FAM193A: variants seen among roughly 807,000 people sequenced by gnomAD.
FAM193A encodes the protein protein FAM193A.
Under a neutral mutation model 126.5 loss-of-function variants are expected in FAM193A, and 22 were observed. The ratio of observed to expected loss-of-function variants is 0.17; its 90% CI spans 0.12 to 0.25. FAM193A has a LOEUF of 0.25. Ranked by LOEUF, FAM193A falls within the 10% of genes least tolerant of loss-of-function variation. FAM193A has a pLI of 1.00. For missense variants in FAM193A, 1,675 were observed against 1,672.8 expected, an observed-to-expected ratio of 1.00 and a Z score of -0.02; for synonymous variants, 761 against 646.8, an observed-to-expected ratio of 1.18 and a Z score of -2.68.
chr4:2,631,519 G>A lies in FAM193A; in HGVS notation c.1038+350G>A, dbSNP rs1331803722. Among the ~76,000 whole-genome samples the A allele has an allele frequency of 2.6e-5, 4 of 152,194 alleles. No individual in the cohort carries two copies. In the East Asian group the frequency reaches 5.8e-4, roughly 22 times the overall value. ...AAATCTCCGGTGTCTTACTTAGGTT[G>A]TTCATTCTTTCGTTGCTGTAGACAG... On this transcript the variant is annotated intron_variant, in intron 5 of 20. Transcript: ENST00000637812.
rs930151871 is a variant in FAM193A, at chr4:2,597,369, A to G, written c.501+1040A>G. 2.6e-5 allele frequency among the ~76,000 whole-genome samples: 4 copies of G among 151,702 alleles called. No individual in the cohort carries two copies. In the South Asian group the frequency reaches 8.3e-4, roughly 31 times the overall value. ...TTTTGTTTGTTTTTTTACCAATACC[A>G]TTTTCTTTGCTTTTTGTGGTGGTTG... On this transcript the variant is annotated intron_variant, in intron 2 of 20. Coordinates refer to ENST00000637812, the MANE Select transcript of FAM193A (RefSeq NM_001366318.2).
chr4:2,598,292 G>A (rs1487726044), intron 2 of FAM193A, among the ~76,000 whole-genome samples: 2 of 152,190 alleles, frequency 1.3e-5, no homozygotes, highest in African/African-American at 2.4e-5. Flanking sequence ...AATGTTGCAT[G>A]CATCCGTAGT....
At chr4:2,538,056 AAG>A (rs1285974241) in intron 1 of FAM193A, among the ~76,000 whole-genome samples, 1 of 152,174 alleles carries the variant, frequency 6.6e-6, no homozygotes. Flanking sequence ...TGTCTGCTGA[AAG>A]AGAATAGATT....
At chr4:2,599,410 T>C (rs772173829) in intron 2 of FAM193A, among the ~76,000 whole-genome samples, 9 of 152,098 alleles carry the variant, frequency 5.9e-5, no homozygotes, top group Non-Finnish European at 1.3e-4. Context: ...GCTCTGTCTC[T>C]GGTCAGGGCT....
At chr4:2,563,684 A>G (rs13135247) in intron 1 of FAM193A, among the ~76,000 whole-genome samples, 4,910 of 152,304 alleles carry the variant, frequency 0.032, 88 homozygotes, top group South Asian at 0.072. Context: ...TTGGCCATGT[A>G]TGAAGTTTAA....
In FAM193A at chr4:2,659,627, C is replaced by T. The variant is rs928416085; in HGVS notation, c.1459C>T (p.Arg487Trp). The change falls in exon 9 of 21, where the codon CGG (arginine) becomes TGG (tryptophan). Residue 487 changes from arginine (R) to tryptophan (W), a missense_variant. Physicochemically the swap from Arg to Trp is moderately radical, Grantham distance 101. This residue lies in a region of FAM193A where 1,186 missense variants were observed against 1,109.2 expected (regional missense o/e 1.07). Transcript: ENST00000637812. ...TDTMRHMLSS[R>W]LSMPDCPNCN... is the part of the protein sequence containing the mutation. ...CACCATGAGGCACATGTTATCGTCC[C>T]GGCTGAGCATGCCCGACTGCCCCAA... 4.3e-6 allele frequency: 7 copies of T among 1,614,146 alleles called. No individual in the cohort carries two copies. The highest frequency in any genetic ancestry group is 1.1e-5 in the South Asian group (1 of 91,074).
At chr4:2,615,941 A>T (rs1404233898) in intron 2 of FAM193A, among the ~76,000 whole-genome samples, 1 of 151,714 alleles carries the variant, frequency 6.6e-6, no homozygotes, top group Admixed American at 6.6e-5. Context: ...CCTTCTGAGT[A>T]GCTGGGATTA....
intron 1 of FAM193A, among the ~76,000 whole-genome samples, chr4:2,572,165 CAAA>C (rs66899515): frequency 1.9e-4 from 21 of 108,282 alleles, no homozygotes; most frequent in Admixed American, 1.9e-4. Context: ...CCTCTGTGTC[CAAA>C]AAAAAAAAAA....
chr4:2,597,203 C>T (rs1050748552), intron 2 of FAM193A, among the ~76,000 whole-genome samples: 2 of 152,168 alleles, frequency 1.3e-5, no homozygotes, highest in Non-Finnish European at 2.9e-5. Flanking sequence ...CCGCATGTCC[C>T]GCTTTCCTGC....
chr4:2,721,340 A>T (rs1457393312), intron 20 of FAM193A, among the ~76,000 whole-genome samples: 1 of 114,638 alleles, frequency 8.7e-6, no homozygotes, highest in Non-Finnish European at 1.8e-5. Flanking sequence ...AAAAAAAAAA[A>T]AGCCAGGCAT....
At chr4:2,547,708 G>T (rs908062254) in intron 1 of FAM193A, among the ~76,000 whole-genome samples, 5 of 149,812 alleles carry the variant, frequency 3.3e-5, no homozygotes, top group Non-Finnish European at 5.9e-5. Context: ...TCCCTGCAAC[G>T]TCTGCCTCCT....
chr4:2,670,328 T>C (rs1003765365), intron 12 of FAM193A, among the ~76,000 whole-genome samples: 3 of 152,222 alleles, frequency 2.0e-5, no homozygotes, highest in African/African-American at 7.2e-5. Flanking sequence ...TGTTGAATCT[T>C]TATTTTCATA....
At chr4:2,684,054 T>C (rs894324460) in intron 13 of FAM193A, among the ~76,000 whole-genome samples, 4 of 152,232 alleles carry the variant, frequency 2.6e-5, no homozygotes, top group African/African-American at 9.6e-5. Flanking sequence ...TGTTCTTGCA[T>C]GCTGTCTACT....
intron 6 of FAM193A, among the ~76,000 whole-genome samples, chr4:2,645,193 G>T (rs183851106): frequency 6.6e-6 from 1 of 152,228 alleles, no homozygotes; most frequent in East Asian, 1.9e-4. Flanking sequence ...TTAACCTTGC[G>T]CAGAATCTTT....
At chr4:2,724,691 T>C (rs1720530807) in intron 20 of FAM193A, among the ~76,000 whole-genome samples, 1 of 152,054 alleles carries the variant, frequency 6.6e-6, no homozygotes, top group Non-Finnish European at 1.5e-5. Context: ...GCTTGGGAGA[T>C]AGAGTGAGAC....
chr4:2,690,002 G>T (rs907041589), intron 14 of FAM193A, among the ~76,000 whole-genome samples: 1 of 152,216 alleles, frequency 6.6e-6, no homozygotes, highest in Admixed American at 6.5e-5. Context: ...GACCACGGTC[G>T]GGTGCCCGGC....
chr4:2,556,113 C>G (rs1472972752), intron 1 of FAM193A, among the ~76,000 whole-genome samples: 1 of 151,616 alleles, frequency 6.6e-6, no homozygotes, highest in Admixed American at 6.6e-5. Context: ...TCGGGCTGGT[C>G]TTGAACGCCT....
intron 20 of FAM193A, among the ~76,000 whole-genome samples, chr4:2,722,541 CAG>C (rs1560618136): frequency 6.6e-6 from 1 of 152,118 alleles, no homozygotes; most frequent in East Asian, 1.9e-4. Flanking sequence ...TAGTGATTGT[CAG>C]AGTTAGGAGG....
chr4:2,622,697 CT>C (rs1446980289), intron 2 of FAM193A, among the ~76,000 whole-genome samples: 1 of 152,124 alleles, frequency 6.6e-6, no homozygotes, highest in Non-Finnish European at 1.5e-5. Context: ...AAGGGCCAAG[CT>C]TTGGTTCATA....
Sources: allele counts gnomAD v4.1 joint callset (sites outside exome capture counted in the v4.1 genomes callset), GRCh38; gene constraint gnomAD v4.1.1; regional missense constraint gnomAD v4.1.1; transcripts MANE v1.5; gene names NCBI Gene and HGNC (gene_info 2026-07-23, HGNC 2026-07-21).